The following OPCML variants were observed in gnomAD, a reference collection of about 807,000 sequenced individuals.
OPCML encodes the protein opioid binding protein/cell adhesion molecule like.
In OPCML, 13 loss-of-function variants were observed where a neutral mutation model predicts 37.8. That is an observed-to-expected ratio of 0.34 (90% CI 0.22 to 0.55). OPCML has a LOEUF of 0.55. OPCML is among the 20% of genes least tolerant of loss of function. The pLI is 0.91. For missense variants in OPCML, 341 were observed against 435.6 expected, an observed-to-expected ratio of 0.78 and a Z score of 1.93; for synonymous variants, 176 against 168.8, an observed-to-expected ratio of 1.04 and a Z score of -0.33.
intron 2 of OPCML, among the ~76,000 whole-genome samples, chr11:132,809,975 G>A (rs988961141): frequency 6.6e-6 from 1 of 152,084 alleles, no homozygotes; most frequent in East Asian, 1.9e-4. Flanking sequence ...TCAGCCTCCC[G>A]AGTAGCCGGG....
At chr11:133,082,725 C>G (rs930152597) in intron 1 of OPCML, among the ~76,000 whole-genome samples, 1 of 143,714 alleles carries the variant, frequency 7.0e-6, no homozygotes, top group African/African-American at 2.6e-5. Context: ...CTCTGGAGAC[C>G]GCTTCTCCCC....
At chr11:132,813,643 A>T (rs2136231347) in intron 2 of OPCML, among the ~76,000 whole-genome samples, 1 of 152,256 alleles carries the variant, frequency 6.6e-6, no homozygotes, top group Middle Eastern at 3.4e-3. Context: ...CATCCCCAGC[A>T]TCAAGTCCAA....
intron 1 of OPCML, chr11:133,025,583 T>A (rs1449839704): frequency 1.9e-6 from 1 of 526,838 alleles, no homozygotes; most frequent in African/African-American, 2.1e-5. Context: ...TTTCTTATTA[T>A]TTTAATTTCA....
chr11:132,997,332 G>A (rs144465959), intron 1 of OPCML, among the ~76,000 whole-genome samples: 88 of 152,226 alleles, frequency 5.8e-4, no homozygotes, highest in African/African-American at 2.0e-3. Flanking sequence ...TATCAGCCCC[G>A]GCCACCAAAT....
intron 2 of OPCML, among the ~76,000 whole-genome samples, chr11:132,926,895 G>T (rs766064151): frequency 1.3e-5 from 2 of 151,766 alleles, no homozygotes; most frequent in Non-Finnish European, 2.9e-5. Flanking sequence ...AATAGAAAAA[G>T]AATAAGAAAA....
intron 2 of OPCML, among the ~76,000 whole-genome samples, chr11:132,700,412 G>A (rs964249894): frequency 6.6e-6 from 1 of 151,786 alleles, no homozygotes; most frequent in African/African-American, 2.4e-5. Context: ...CTCTAATATA[G>A]GTGTTTGTTG....
intron 1 of OPCML, among the ~76,000 whole-genome samples, chr11:133,111,726 G>T (rs1357805229): frequency 1.3e-5 from 2 of 152,194 alleles, no homozygotes; most frequent in Non-Finnish European, 2.9e-5. Flanking sequence ...AATAAAGTTG[G>T]TGCCAGGAAG....
chr11:133,343,925 A>C (rs1166568513), intron 1 of OPCML, among the ~76,000 whole-genome samples: 1 of 152,232 alleles, frequency 6.6e-6, no homozygotes, highest in East Asian at 1.9e-4. Flanking sequence ...CAAAGGCTGA[A>C]GTCTCCTCCG....
intron 1 of OPCML, among the ~76,000 whole-genome samples, chr11:133,390,216 T>C (rs1294202364): frequency 1.3e-5 from 2 of 152,160 alleles, no homozygotes; most frequent in Non-Finnish European, 1.5e-5. Flanking sequence ...CCCGGCACTT[T>C]TGGGAGGCCG....
At chr11:132,845,827 T>G (rs777337013) in intron 2 of OPCML, among the ~76,000 whole-genome samples, 1 of 152,132 alleles carries the variant, frequency 6.6e-6, no homozygotes, top group Non-Finnish European at 1.5e-5. Context: ...TTTTTTCTAG[T>G]CTAGTAATGA....
chr11:133,140,748 GGAAGAAGAAGACGACGAAGAAGAA>G (rs1565467789), intron 1 of OPCML, among the ~76,000 whole-genome samples: 9 of 62,074 alleles, frequency 1.4e-4, no homozygotes, highest in Non-Finnish European at 3.0e-4. Context: ...ACGACGACGA[GGAAGAAGAAGACGACGAAGAAGAA>G]GAAGAAGAAG....
intron 2 of OPCML, among the ~76,000 whole-genome samples, chr11:132,748,355 C>T (rs193000590): frequency 1.4e-3 from 217 of 152,232 alleles, no homozygotes; most frequent in African/African-American, 5.1e-3. Context: ...TATCGAATGC[C>T]CGCTTTCTGT....
chr11:133,396,368 C>G (rs540423653), intron 1 of OPCML, among the ~76,000 whole-genome samples: 12 of 151,924 alleles, frequency 7.9e-5, no homozygotes, highest in Admixed American at 7.2e-4. Flanking sequence ...AATTTGAATG[C>G]CCTTTATTTT....
chr11:132,441,180 T>TTTTTTTTTGTTTTTTTTTG (rs2096032796), intron 4 of OPCML, among the ~76,000 whole-genome samples: 1 of 122,552 alleles, frequency 8.2e-6, no homozygotes, highest in African/African-American at 3.3e-5. Context: ...TTTTTTTTTT[T>TTTTTTTTTGTTTTTTTTTG]TTTTTGAGAC....
chr11:132,582,239 A>C (rs560244619), intron 3 of OPCML, among the ~76,000 whole-genome samples: 1 of 152,090 alleles, frequency 6.6e-6, no homozygotes, highest in East Asian at 1.9e-4. Flanking sequence ...CTACTATAGA[A>C]CAACCTAAAA....
intron 1 of OPCML, among the ~76,000 whole-genome samples, chr11:132,987,506 G>C (rs896072338): frequency 7.2e-5 from 11 of 152,192 alleles, no homozygotes; most frequent in African/African-American, 2.7e-4. Flanking sequence ...CCCATTGCGA[G>C]AGAGTTTGTG....
chr11:133,130,160 A>G (rs1011971214), intron 1 of OPCML, among the ~76,000 whole-genome samples: 7 of 152,134 alleles, frequency 4.6e-5, no homozygotes, highest in African/African-American at 1.7e-4. Flanking sequence ...TGTGTGAGAT[A>G]AAGAAAATAC....
At chr11:133,491,795 A>G (rs1021874053) in intron 1 of OPCML, among the ~76,000 whole-genome samples, 4 of 152,120 alleles carry the variant, frequency 2.6e-5, no homozygotes, top group African/African-American at 9.7e-5. Flanking sequence ...AGCATTTACC[A>G]TTCAGTTAGC....
At chr11:132,584,284 C>T (rs1274593887) in intron 3 of OPCML, among the ~76,000 whole-genome samples, 10 of 151,968 alleles carry the variant, frequency 6.6e-5, no homozygotes, top group Non-Finnish European at 1.5e-5. Context: ...TCAATTGATG[C>T]TACTTAAATT....
Sources: allele counts gnomAD v4.1 joint callset (sites outside exome capture counted in the v4.1 genomes callset), GRCh38; gene constraint gnomAD v4.1.1; transcripts MANE v1.5; gene names NCBI Gene and HGNC (gene_info 2026-07-23, HGNC 2026-07-21).